HPRT1: variants seen among roughly 807,000 people sequenced by gnomAD.
The protein encoded by HPRT1 is hypoxanthine phosphoribosyltransferase 1.
In HPRT1, 4 loss-of-function variants were observed where a neutral mutation model predicts 19.0. The ratio of observed to expected loss-of-function variants is 0.21; its 90% confidence interval spans 0.10 to 0.48. The LOEUF (loss-of-function observed/expected upper bound fraction) is 0.48, where lower values mean the gene tolerates loss of function less well. Among genes scored for constraint, HPRT1 ranks in the 20% least tolerant of loss-of-function variants. HPRT1 has a pLI of 0.98. For synonymous variants in HPRT1, 53 were observed against 54.9 expected (o/e 0.97, Z 0.15); for missense variants, 65 against 164.0 (o/e 0.40, Z 3.30).
chrX:134,486,415 A>T, intron 3 of HPRT1, 50 bp from the exon 4 acceptor site: 1 of 669,238 alleles, frequency 1.5e-6, no homozygotes. Context: ...ATACATATAC[A>T]TATGTGTGTG....
Position 134,498,408 on chromosome X carries a change from C to T in HPRT1, c.504C>T (p.Thr168=), listed in dbSNP as rs2077687162. The part of the protein sequence containing the change: ...VKVASLLVKR[T]PRSVGYKPDF... ...TTAACAGCTTGCTGGTGAAAAGGAC[C>T]CCACGAAGTGTTGGATATAAGCCAG... Residue 168 remains threonine, a synonymous_variant, in exon 7 of 9, where the codon ACC becomes ACT. Coordinates refer to ENST00000298556, the MANE Select transcript of HPRT1 (RefSeq NM_000194.3). 5.8e-6 allele frequency: 7 copies of T among 1,204,388 alleles called. No individual in the cohort carries two copies. The highest frequency in any genetic ancestry group is 1.8e-5 in the South Asian group (1 of 56,726).
At chrX:134,468,456 A>C (rs2077602753) in intron 1 of HPRT1, among the ~76,000 whole-genome samples, 1 of 109,429 alleles carries the variant, frequency 9.1e-6, no homozygotes, top group African/African-American at 3.3e-5. Flanking sequence ...TTACAAAAAA[A>C]ATACAAAAGA....
At chrX:134,487,730 C>T (rs1413519049) in intron 4 of HPRT1, among the ~76,000 whole-genome samples, 1 of 112,373 alleles carries the variant, frequency 8.9e-6, no homozygotes, top group Non-Finnish European at 1.9e-5. Context: ...TCATGTCAAA[C>T]TAATGTCCTC....
At chrX:134,492,650 T>C in intron 5 of HPRT1, 1 of 273,225 alleles carries the variant, frequency 3.7e-6, no homozygotes, top group Admixed American at 3.9e-5. Flanking sequence ...AGCTGACTTC[T>C]TCAAAACCAG....
intron 5 of HPRT1, among the ~76,000 whole-genome samples, chrX:134,492,193 C>T (rs780378011): frequency 2.8e-5 from 3 of 105,947 alleles, no homozygotes; most frequent in Non-Finnish European, 5.8e-5. Flanking sequence ...GCCTGGCCTG[C>T]ATTTCATTTT....
chrX:134,475,474 G>A, intron 3 of HPRT1, 110 bp downstream of exon 3: 1 of 510,513 alleles, frequency 2.0e-6, no homozygotes, highest in Non-Finnish European at 3.3e-6. Flanking sequence ...GTTACAGTGA[G>A]ATTTTTCTAA....
intron 1 of HPRT1, among the ~76,000 whole-genome samples, chrX:134,471,683 C>G (rs939039183): frequency 1.8e-5 from 2 of 111,530 alleles, no homozygotes; most frequent in Non-Finnish European, 3.8e-5. Flanking sequence ...CTGTGTCACC[C>G]AGGCTGGAGT....
At chrX:134,471,787 C>T (rs6634992) in intron 1 of HPRT1, among the ~76,000 whole-genome samples, 2 of 110,027 alleles carry the variant, frequency 1.8e-5, no homozygotes, top group African/African-American at 3.3e-5. Flanking sequence ...ACTACAGGCG[C>T]GTGCCACATG....
intron 6 of HPRT1, among the ~76,000 whole-genome samples, chrX:134,494,302 A>G (rs748448331): frequency 8.9e-6 from 1 of 112,482 alleles, no homozygotes; most frequent in African/African-American, 3.2e-5. Context: ...ACATTTAAGA[A>G]TATGTTTTTC....
At chrX:134,498,555 G>T (rs917474055) in intron 7 of HPRT1, 53 bp from the exon 8 acceptor site, 2 of 1,013,615 alleles carry the variant, frequency 2.0e-6, no homozygotes, top group Non-Finnish European at 2.8e-6. Context: ...GCCAGTATTA[G>T]ATTTAAAAGT....
rs1270869110 is a variant in HPRT1, at chrX:134,460,221, G to GCCGCCTCTTGCTGCGCCT, written c.-83_-66dup. On this transcript the variant is annotated 5_prime_UTR_variant, in exon 1 of 9. Coordinates refer to ENST00000298556, the MANE Select transcript of HPRT1 (RefSeq NM_000194.3). ...GAACCTCTCGGCTTTCCCGCGCGGC[G>GCCGCCTCTTGCTGCGCCT]CCGCCTCTTGCTGCGCCTCCGCCTC... 1.1e-5 allele frequency: 11 copies of GCCGCCTCTTGCTGCGCCT among 986,627 alleles called. No individual in the cohort carries two copies. In the African/African-American group the frequency reaches 1.2e-4, roughly 11 times the overall value. The allele number at this position is 986,627 out of a possible 1,213,427, so 81.3% of individuals were successfully genotyped here.
Position 134,460,217 on chromosome X carries a change from C to T in HPRT1, c.-95C>T. The T allele has an allele frequency of 4.1e-6, 4 of 965,468 alleles. No individual in the cohort carries two copies. The Admixed American group carries it at 8.6e-5, about 21-fold the overall frequency. 79.6% of individuals were successfully genotyped at this position (965,468 alleles called of 1,213,427 possible). Reference sequence around the variant, plus strand: ...AGGCGAACCTCTCGGCTTTCCCGCGCGGCGCCGCCTCTTGCTGCGCCTCCG... The same window carrying T: ...AGGCGAACCTCTCGGCTTTCCCGCGTGGCGCCGCCTCTTGCTGCGCCTCCG... On this transcript the variant is annotated 5_prime_UTR_variant, in exon 1 of 9. Coordinates refer to ENST00000298556, the MANE Select transcript of HPRT1 (RefSeq NM_000194.3).
intron 1 of HPRT1, among the ~76,000 whole-genome samples, chrX:134,470,192 C>T (rs960321254): frequency 8.9e-6 from 1 of 112,066 alleles, no homozygotes; most frequent in African/African-American, 3.2e-5. Flanking sequence ...CTCCACCTGG[C>T]CATGACCAGG....
intron 1 of HPRT1, chrX:134,460,662 G>C (rs763861086): frequency 6.7e-6 from 1 of 149,945 alleles, no homozygotes; most frequent in South Asian, 3.5e-4. Context: ...GGGCAGATTC[G>C]GGAATGATGG....
At chrX:134,491,880 C>T (rs759189482) in intron 5 of HPRT1, among the ~76,000 whole-genome samples, 6 of 104,280 alleles carry the variant, frequency 5.8e-5, no homozygotes, top group Non-Finnish European at 1.2e-4. Flanking sequence ...TACAGGTGTG[C>T]GCCACCATGC....
chrX:134,467,119 C>T (rs768645582), intron 1 of HPRT1, among the ~76,000 whole-genome samples: 1 of 94,458 alleles, frequency 1.1e-5, no homozygotes, highest in African/African-American at 4.1e-5. Flanking sequence ...GGCACAATCT[C>T]GGCTCACTGC....
At chrX:134,469,037 C>T (rs1033637164) in intron 1 of HPRT1, among the ~76,000 whole-genome samples, 6 of 111,050 alleles carry the variant, frequency 5.4e-5, no homozygotes, top group African/African-American at 1.6e-4. Flanking sequence ...GGATTACAGG[C>T]GTGAGCCACC....
chrX:134,475,323 A>G lies in HPRT1; in HGVS notation c.277A>G (p.Ile93Val). The change falls in exon 3 of 9, where the codon ATT (isoleucine) becomes GTT (valine). Residue 93 changes from isoleucine (I) to valine (V), a missense_variant. Coordinates refer to ENST00000298556, the MANE Select transcript of HPRT1 (RefSeq NM_000194.3). The stretch of plus-strand genomic sequence containing the variant: ...ACTGAATAGAAATAGTGATAGATCC[A>G]TTCCTATGACTGTAGATTTTATCAG... ...KALNRNSDRS[I>V]PMTVDFIRLK... 1 of 1,197,302 alleles carries G rather than the reference A, an allele frequency of 8.4e-7. No homozygotes were observed. Among genetic ancestry groups the G allele is most frequent in the Non-Finnish European group, 1.1e-6 (1 of 882,520 alleles).
chrX:134,491,006 G>A (rs200262815), intron 5 of HPRT1, among the ~76,000 whole-genome samples: 5 of 96,475 alleles, frequency 5.2e-5, no homozygotes, highest in African/African-American at 1.5e-4. Context: ...CTCTCTCTAT[G>A]TATATATATA....
Sources: gnomAD v4.1 joint callset for allele counts (sites outside exome capture counted in the v4.1 genomes callset) on GRCh38, gnomAD v4.1.1 for gene constraint, MANE v1.5 for transcripts, NCBI Gene and HGNC (gene_info 2026-07-23, HGNC 2026-07-21) for gene names.